The following HLA-DQB1 variants were observed in gnomAD, a reference collection of about 807,000 sequenced individuals.
HLA-DQB1 encodes the protein major histocompatibility complex, class II, DQ beta 1.
A neutral mutation model predicts 26.4 loss-of-function variants in HLA-DQB1; 13 were observed. The observed-to-expected ratio is 0.49, with a 90% CI of 0.32 to 0.78. The LOEUF (loss-of-function observed/expected upper bound fraction) is 0.78, where lower values mean the gene tolerates loss of function less well. Ranked by LOEUF, HLA-DQB1 falls within the 30% of genes least tolerant of loss-of-function variation. HLA-DQB1 has a pLI of 0.03. For synonymous variants in HLA-DQB1, 60 were observed against 129.1 expected (o/e 0.46, Z 3.63); for missense variants, 158 against 326.2 (o/e 0.48, Z 3.97).
chr6:32,666,103 C>T lies in HLA-DQB1; in HGVS notation c.109+396G>A, dbSNP rs281861181. On this transcript the variant is annotated intron_variant, in intron 1 of 4. Coordinates refer to ENST00000434651, the Ensembl canonical transcript of HLA-DQB1. ...GACTACAGACACCATTGCTGCCTCA[C>T]ATTTTCCAATGCAGGATCTCATAAT... Among the ~76,000 whole-genome samples, 1,708 of 92,096 alleles carry T rather than the reference C, an allele frequency of 0.019. 89 individuals are homozygous for T. The South Asian group carries it at 0.22, about 12-fold the overall frequency. 60.4% of individuals were successfully genotyped at this position (92,096 alleles called of 152,430 possible).
chr6:32,660,855 T>C (rs281864375), intron 4 of HLA-DQB1: 6 of 1,497,094 alleles, frequency 4.0e-6, no homozygotes, highest in African/African-American at 2.8e-5. Context: ...GGCTGAAATA[T>C]TACCTGCTGG....
exon 5 of HLA-DQB1, chr6:32,660,137 A>G (rs1582045115): frequency 1.9e-6 from 1 of 523,828 alleles, no homozygotes; most frequent in South Asian, 3.7e-5. Flanking sequence ...CTTTGATCTC[A>G]GGGGGACAAG....
At chr6:32,660,219 TA>T in exon 5 of HLA-DQB1, 1 of 951,724 alleles carries the variant, frequency 1.1e-6, no homozygotes, top group Non-Finnish European at 1.5e-6. Flanking sequence ...CAATCCTAGT[TA>T]AAATAGTCTC....
At chr6:32,665,101 C>CGGCCCGGCCCCAGCCTGGCCCT in intron 1 of HLA-DQB1, 34 bp from the exon 2 acceptor site, 1 of 1,113,576 alleles carries the variant, frequency 9.0e-7, no homozygotes, top group East Asian at 2.9e-5. Flanking sequence ...AGTCAGGCCC[C>CGGCCCGGCCCCAGCCTGGCCCT]AGCCCGGCCG....
At chr6:32,664,718 T>G (rs9274364) in intron 2 of HLA-DQB1, 80 bp downstream of exon 2, 17,851 of 294,368 alleles carry the variant, frequency 0.061, 5,680 homozygotes, top group East Asian at 0.49. Flanking sequence ...TTCAGAGACC[T>G]CGCCCCCATC....
chr6:32,665,202 C>G lies in HLA-DQB1; in HGVS notation c.110-135G>C. The G allele has an allele frequency of 5.9e-6, 3 of 512,790 alleles. 1 individual carries two copies. Among genetic ancestry groups the G allele is most frequent in the Non-Finnish European group, 9.5e-6 (3 of 316,756 alleles). The allele number at this position is 512,790 out of a possible 1,614,324, so 31.8% of individuals were successfully genotyped here. ...GCCCGCCCGTGCCTGGCGCTCCAGA[C>G]CTGGGATCCTCCCGGCGGCTCTGCC... On this transcript the variant is annotated intron_variant, in intron 1 of 4. Transcript: ENST00000434651.
At chr6:32,665,095 A>AGGCCCCGGCCCGGCCCCAGCCCGGC in intron 1 of HLA-DQB1, 28 bp from the exon 2 acceptor site, 1 of 1,153,530 alleles carries the variant, frequency 8.7e-7, no homozygotes, top group Non-Finnish European at 1.2e-6. Context: ...CCGGTCAGTC[A>AGGCCCCGGCCCGGCCCCAGCCCGGC]GGCCCCAGCC....
intron 4 of HLA-DQB1, 57 bp from the exon 5 acceptor site, chr6:32,660,306 T>A: frequency 1.1e-6 from 1 of 900,302 alleles, no homozygotes; most frequent in Non-Finnish European, 1.6e-6. Flanking sequence ...GCCTGCCATC[T>A]CCCCCACCCT....
At chr6:32,664,660 C>CCCCCCCCCCCCCT in intron 2 of HLA-DQB1, 138 bp downstream of exon 2, 2 of 227,026 alleles carry the variant, frequency 8.8e-6, no homozygotes, top group South Asian at 7.9e-5. Flanking sequence ...CCCCCACCAC[C>CCCCCCCCCCCCCT]CCGCCGCCGC....
At position 32,662,095 on chromosome 6, in the gene HLA-DQB1, G is replaced by C. The variant is rs760652276; in HGVS notation, c.533C>G (p.Pro178Arg). 2.0e-6 allele frequency: 3 copies of C among 1,520,554 alleles called. 1 individual carries two copies. Among genetic ancestry groups the C allele is most frequent in the South Asian group, 2.3e-5 (2 of 88,390 alleles). The allele number at this position is 1,520,554 out of a possible 1,614,324, so 94.2% of individuals were successfully genotyped here. Residue 178 changes from proline to arginine, a missense_variant, in exon 3 of 5, where the codon CCC becomes CGC. By Grantham distance (103) the Pro-to-Arg change is moderately radical (BLOSUM62 -2). Coordinates refer to ENST00000434651, the Ensembl canonical transcript of HLA-DQB1. ...AGTCCAGTCACCATTCCTAATAAGG[G>C]GGGTGGACACAACGCCGGCTGTCTC...
At chr6:32,665,632 T>A (rs9274459) in intron 1 of HLA-DQB1, among the ~76,000 whole-genome samples, 56,308 of 112,016 alleles carry the variant, frequency 0.5, 15,906 homozygotes, top group Middle Eastern at 0.66. Context: ...GAGTCCTAGA[T>A]AGAGACATTT....
intron 1 of HLA-DQB1, among the ~76,000 whole-genome samples, chr6:32,666,068 C>G (rs281861208): frequency 8.4e-6 from 1 of 119,114 alleles, no homozygotes; most frequent in African/African-American, 3.2e-5. Flanking sequence ...AAATTTTCCT[C>G]AAATACAGAG....
At position 32,665,074 on chromosome 6, in the gene HLA-DQB1, G is replaced by C. The variant is rs281862046; in HGVS notation, c.110-7C>G. 2 of 1,310,240 alleles carry C rather than the reference G, an allele frequency of 1.5e-6. 1 individual carries two copies. Among genetic ancestry groups the C allele is most frequent in the Non-Finnish European group, 2.1e-6 (2 of 950,286 alleles). 81.2% of individuals were successfully genotyped at this position (1,310,240 alleles called of 1,614,324 possible). A position where few individuals can be genotyped will look rare whatever the true frequency, so the allele number is the denominator to read the frequency against. On this transcript the variant is annotated splice_polypyrimidine_tract_variant and splice_region_variant and intron_variant, in intron 1 of 4. Coordinates refer to ENST00000434651, the Ensembl canonical transcript of HLA-DQB1. ...AACTGGAACACGAAATCCTCTGCGG[G>C]GAATCACCGGCCGGTCAGTCAGGCC...
intron 4 of HLA-DQB1, chr6:32,660,741 G>C: frequency 1.8e-6 from 1 of 562,880 alleles, no homozygotes; most frequent in Non-Finnish European, 3.1e-6. Flanking sequence ...CCTAAGTCTT[G>C]ATCCTCATAG....
chr6:32,666,141 C>CA (rs9282156), intron 1 of HLA-DQB1, among the ~76,000 whole-genome samples: 24,852 of 139,128 alleles, frequency 0.18, 2,480 homozygotes, highest in Middle Eastern at 0.21. Flanking sequence ...TAAGTCCAGG[C>CA]AGTCTTGGGG....
At chr6:32,666,196 A>G (rs575208571) in intron 1 of HLA-DQB1, among the ~76,000 whole-genome samples, 1 of 151,406 alleles carries the variant, frequency 6.6e-6, no homozygotes, top group South Asian at 2.1e-4. Context: ...AGAAATTCAT[A>G]TCTTCAAAAA....
Position 32,664,895 on chromosome 6 carries a change from G to A in HLA-DQB1, c.282C>T (p.Asn94=), listed in dbSNP as rs1130382. Residue 94 remains asparagine (N), a synonymous_variant, in exon 2 of 5, where the codon AAC becomes AAT. Coordinates refer to ENST00000434651, the Ensembl canonical transcript of HLA-DQB1. ...TCCCCTCCAGGACTTCCTTCTGGCTGTTCCAGTACTCGGCATCAGGCCGCC... is the reference window on the plus strand; with the variant it reads ...TCCCCTCCAGGACTTCCTTCTGGCTATTCCAGTACTCGGCATCAGGCCGCC... 6.2e-3 allele frequency: 8,280 copies of A among 1,330,226 alleles called. 1,795 individuals carry two copies. Among genetic ancestry groups the A allele is most frequent in the Admixed American group, 0.036 (1,859 of 51,030 alleles). 82.4% of individuals were successfully genotyped at this position (1,330,226 alleles called of 1,614,324 possible). A position where few individuals can be genotyped will look rare whatever the true frequency, so the allele number is the denominator to read the frequency against.
At chr6:32,666,425 AT>A in intron 1 of HLA-DQB1, 73 bp downstream of exon 1, 1 of 510,652 alleles carries the variant, frequency 2.0e-6, no homozygotes, top group Non-Finnish European at 3.4e-6. Flanking sequence ...AGAGATCACC[AT>A]CCCCCATACC....
At chr6:32,664,866 C>T (rs1783806268) in exon 2 of HLA-DQB1, 3 of 1,199,098 alleles carry the variant, frequency 2.5e-6, no homozygotes, top group Non-Finnish European at 3.6e-6. Flanking sequence ...CAACTCCGCC[C>T]GGGTCCCCTC....
Sources: gnomAD v4.1 joint callset for allele counts (sites outside exome capture counted in the v4.1 genomes callset) on GRCh38, gnomAD v4.1.1 for gene constraint, MANE v1.5 for transcripts, NCBI Gene and HGNC (gene_info 2026-07-23, HGNC 2026-07-21) for gene names.